FSTL5: variants seen among roughly 807,000 people sequenced by gnomAD.
FSTL5 encodes the protein follistatin like 5, also known as follistatin-related protein 5.
Under a neutral mutation model 89.1 loss-of-function variants are expected in FSTL5, and 62 were observed. The ratio of observed to expected loss-of-function variants is 0.70; its 90% CI spans 0.57 to 0.86. The LOEUF (loss-of-function observed/expected upper bound fraction) is 0.86. Ranked by LOEUF, FSTL5 falls within the 40% of genes least tolerant of loss-of-function variation. FSTL5 has a pLI of 0.00. For synonymous variants in FSTL5, 383 were observed against 346.2 expected (o/e 1.11, Z -1.18); for missense variants, 1,057 against 1,001.6 (o/e 1.06, Z -0.75).
intron 15 of FSTL5, among the ~76,000 whole-genome samples, chr4:161,424,325 T>C (rs969734600): frequency 6.6e-6 from 1 of 151,916 alleles, no homozygotes; most frequent in Non-Finnish European, 1.5e-5. Flanking sequence ...ATATATATTG[T>C]TCATTTCATT....
chr4:162,076,407 T>C (rs559794301), intron 2 of FSTL5, among the ~76,000 whole-genome samples: 3 of 151,894 alleles, frequency 2.0e-5, no homozygotes, highest in Non-Finnish European at 4.4e-5. Flanking sequence ...AGAGTGCAGG[T>C]CTGTTTGATT....
chr4:161,876,320 T>C (rs928807959), intron 4 of FSTL5, among the ~76,000 whole-genome samples: 1 of 152,214 alleles, frequency 6.6e-6, no homozygotes, highest in African/African-American at 2.4e-5. Context: ...TTCTACATTA[T>C]AATCAAGAGG....
At chr4:161,522,139 C>A (rs1731058530) in intron 10 of FSTL5, among the ~76,000 whole-genome samples, 2 of 152,092 alleles carry the variant, frequency 1.3e-5, no homozygotes, top group African/African-American at 4.8e-5. Context: ...GTTCTTCCTT[C>A]CATTGTCAAC....
At chr4:161,756,147 G>A (rs7685872) in intron 6 of FSTL5, among the ~76,000 whole-genome samples, 12,281 of 151,888 alleles carry the variant, frequency 0.081, 950 homozygotes, top group African/African-American at 0.2. Context: ...AAAGAATATG[G>A]AAATATTTCC....
chr4:161,555,992 T>C (rs868448776), intron 8 of FSTL5, among the ~76,000 whole-genome samples: 36 of 151,600 alleles, frequency 2.4e-4, no homozygotes, highest in African/African-American at 8.0e-4. Flanking sequence ...ATCAACAATG[T>C]TTGTCAAGAC....
chr4:161,442,321 C>A (rs1486858060), intron 15 of FSTL5, among the ~76,000 whole-genome samples: 2 of 152,048 alleles, frequency 1.3e-5, no homozygotes, highest in Non-Finnish European at 2.9e-5. Context: ...GATAGATGCC[C>A]AGATTAAGTA....
chr4:161,847,145 G>T (rs1731392765), intron 4 of FSTL5, among the ~76,000 whole-genome samples: 1 of 152,084 alleles, frequency 6.6e-6, no homozygotes, highest in Non-Finnish European at 1.5e-5. Flanking sequence ...CAAGTTACAT[G>T]TTAAATGTAT....
At chr4:162,039,599 T>C (rs975320997) in intron 2 of FSTL5, among the ~76,000 whole-genome samples, 2 of 151,922 alleles carry the variant, frequency 1.3e-5, no homozygotes, top group Admixed American at 1.3e-4. Flanking sequence ...AAAAACGCAC[T>C]ACTTGTGATT....
chr4:162,037,661 C>G (rs969726516), intron 2 of FSTL5, among the ~76,000 whole-genome samples: 1 of 151,696 alleles, frequency 6.6e-6, no homozygotes, highest in South Asian at 2.1e-4. Context: ...TCTAAATATT[C>G]TATAAACAAG....
chr4:161,416,844 C>CAAA, intron 15 of FSTL5, among the ~76,000 whole-genome samples: 1 of 71,090 alleles, frequency 1.4e-5, no homozygotes, highest in East Asian at 3.3e-4. Context: ...GACTCCATCT[C>CAAA]AAAAAAAAAA....
At chr4:161,955,055 T>A (rs1734992901) in intron 3 of FSTL5, among the ~76,000 whole-genome samples, 1 of 151,624 alleles carries the variant, frequency 6.6e-6, no homozygotes. Context: ...TACCCGCAGA[T>A]TTTACTCTTA....
chr4:161,554,887 G>A (rs894437241), intron 8 of FSTL5, among the ~76,000 whole-genome samples: 2 of 151,522 alleles, frequency 1.3e-5, no homozygotes, highest in Non-Finnish European at 3.0e-5. Flanking sequence ...TTACAGACTC[G>A]GTTTAATAAA....
At chr4:161,418,937 G>T (rs1403356698) in intron 15 of FSTL5, among the ~76,000 whole-genome samples, 1 of 152,166 alleles carries the variant, frequency 6.6e-6, no homozygotes, top group Non-Finnish European at 1.5e-5. Context: ...TAAGCTCCTT[G>T]AGATATAAGT....
At chr4:161,879,390 T>A (rs1732553752) in intron 4 of FSTL5, among the ~76,000 whole-genome samples, 1 of 152,198 alleles carries the variant, frequency 6.6e-6, no homozygotes, top group Non-Finnish European at 1.5e-5. Context: ...GCCAAACAAT[T>A]GTTTTAAAGC....
At chr4:161,462,954 A>C (rs984247739) in intron 13 of FSTL5, among the ~76,000 whole-genome samples, 2 of 152,150 alleles carry the variant, frequency 1.3e-5, no homozygotes, top group Non-Finnish European at 2.9e-5. Context: ...CGCACTACAA[A>C]AGCTCAGAGG....
chr4:161,660,244 C>T (rs1305995438), intron 6 of FSTL5, among the ~76,000 whole-genome samples: 3 of 152,174 alleles, frequency 2.0e-5, no homozygotes, highest in Non-Finnish European at 4.4e-5. Flanking sequence ...CACTGTGAAT[C>T]CTTCTCTATG....
chr4:161,816,561 T>C (rs1162670708), intron 4 of FSTL5, among the ~76,000 whole-genome samples: 2 of 152,176 alleles, frequency 1.3e-5, no homozygotes, highest in Non-Finnish European at 2.9e-5. Context: ...ATCATTCGCC[T>C]TACTTGGTTC....
chr4:161,411,416 A>C (rs780851596), intron 15 of FSTL5, among the ~76,000 whole-genome samples: 14 of 152,154 alleles, frequency 9.2e-5, no homozygotes, highest in Non-Finnish European at 1.8e-4. Flanking sequence ...ATCCCTGATG[A>C]ACATAGATGC....
In FSTL5 at chr4:161,787,131, G is replaced by A. The variant is rs527528853; in HGVS notation, c.410-11057C>T. Among the ~76,000 whole-genome samples, 17 of 152,136 alleles carry A rather than the reference G, an allele frequency of 1.1e-4. No homozygotes were observed. In the East Asian group the frequency reaches 3.3e-3, roughly 29 times the overall value. On this transcript the variant is annotated intron_variant, in intron 4 of 15. Transcript: ENST00000306100. ...CTGTGATGCCATCAATAGAAATTCAGTTTCTAATGTTGATATTCAATATAT... is the reference window on the plus strand; with the variant it reads ...CTGTGATGCCATCAATAGAAATTCAATTTCTAATGTTGATATTCAATATAT...
Sources: gnomAD v4.1 joint callset for allele counts (sites outside exome capture counted in the v4.1 genomes callset) on GRCh38, gnomAD v4.1.1 for gene constraint, MANE v1.5 for transcripts, NCBI Gene and HGNC (gene_info 2026-07-23, HGNC 2026-07-21) for gene names.